The following SLC24A1 variants were observed in gnomAD, a reference collection of about 807,000 sequenced individuals.
SLC24A1 encodes the protein solute carrier family 24 member 1.
SLC24A1 carries 52 observed loss-of-function variants against 88.1 expected under a neutral mutation model. The ratio of observed to expected loss-of-function variants is 0.59; its 90% CI spans 0.47 to 0.74. The LOEUF is 0.74. Ranked by LOEUF, SLC24A1 falls within the 30% of genes least tolerant of loss-of-function variation. The pLI is 0.00. For missense variants in SLC24A1, 1,173 were observed against 1,363.3 expected, an observed-to-expected ratio of 0.86 and a Z score of 2.20; for synonymous variants, 455 against 498.0, an observed-to-expected ratio of 0.91 and a Z score of 1.15.
chr15:65,632,200 AATTGT>A (rs1270407529), intron 2 of SLC24A1, among the ~76,000 whole-genome samples: 1 of 152,170 alleles, frequency 6.6e-6, no homozygotes, highest in Non-Finnish European at 1.5e-5. Flanking sequence ...GTAGAGAATG[AATTGT>A]AGGTGTGCAA....
chr15:65,656,322 T>C, downstream of SLC24A1: 1 of 885,742 alleles, frequency 1.1e-6, no homozygotes, highest in Non-Finnish European at 1.4e-6. Flanking sequence ...GAAGTTCTGA[T>C]CACTTTACAG....
intron 2 of SLC24A1, among the ~76,000 whole-genome samples, chr15:65,614,375 A>C (rs770888463): frequency 9.9e-5 from 15 of 152,210 alleles, no homozygotes; most frequent in Non-Finnish European, 2.2e-4. Context: ...AATATCATCA[A>C]ATATCGAATC....
rs555493758 is a variant in SLC24A1 at position 65,654,100 on chromosome 15, A to G, written c.*21A>G. The G allele has an allele frequency of 6.9e-6, 11 of 1,605,374 alleles. No homozygotes were observed. In the East Asian group the frequency reaches 1.3e-4, roughly 20 times the overall value. The stretch of plus-strand genomic sequence containing the variant: ...TCTGAATCAGTCACTCTTGCTCACA[A>G]TGGGCATGGATCAGAAGACCATGCA... On this transcript the variant is annotated 3_prime_UTR_variant, in exon 10 of 10. Transcript: ENST00000261892.
In SLC24A1 at chr15:65,650,668, A is replaced by T; in HGVS notation, c.2519A>T (p.Glu840Val). The T allele has an allele frequency of 6.5e-7, 1 of 1,547,132 alleles. No individual in the cohort carries two copies. Among genetic ancestry groups the T allele is most frequent in the Non-Finnish European group, 8.7e-7 (1 of 1,143,876 alleles). Residue 840 changes from glutamate to valine, a missense_variant, in exon 7 of 10, where the codon GAA becomes GTA. By Grantham distance (121) the Glu-to-Val change is moderately radical. Transcript: ENST00000261892. This position sits in a 1 kb window ranked among gnomAD's most constrained non-coding sequence, Gnocchi z 4.1. ...GAACTCAGTGCTGAAAATCACGGTG[A>T]AGCCAAAAATGATGAGAAAGGTGTA... ...SQELSAENHG[E>V]AKNDEKGVED...
Position 65,644,411 on chromosome 15 carries a change from CCTGTCT to C in SLC24A1, c.2054-14_2054-9del. 6.5e-7 allele frequency: 1 copy of C among 1,543,834 alleles called. No homozygotes were observed. The highest frequency in any genetic ancestry group is 1.7e-4 in the Middle Eastern group (1 of 5,974). On this transcript the variant is annotated splice_polypyrimidine_tract_variant and intron_variant, in intron 4 of 9. Coordinates refer to ENST00000261892, the MANE Select transcript of SLC24A1 (RefSeq NM_004727.3). ...CTACAATTCCAGGTAAGATGTATGT[CCTGTCT>C]CATTTGCAGTTCGCCTTGCCAAGGA...
At chr15:65,649,254 C>T (rs1026709572) in intron 6 of SLC24A1, among the ~76,000 whole-genome samples, 1 of 152,146 alleles carries the variant, frequency 6.6e-6, no homozygotes, top group African/African-American at 2.4e-5. Context: ...CGCCTGCCAC[C>T]GCGCCCAGCT....
intron 4 of SLC24A1, 141 bp downstream of exon 4, chr15:65,639,844 AAGTC>A (rs1357236343): frequency 2.9e-6 from 2 of 690,598 alleles, no homozygotes; most frequent in Non-Finnish European, 5.3e-6. Flanking sequence ...AAAGTAGTAA[AAGTC>A]AGACAGTCTG....
At chr15:65,640,522 C>A (rs1166842802) in intron 4 of SLC24A1, among the ~76,000 whole-genome samples, 2 of 152,166 alleles carry the variant, frequency 1.3e-5, no homozygotes, top group Admixed American at 6.5e-5. Context: ...GGTGCAGAAC[C>A]GGAACCCAGC....
intron 6 of SLC24A1, among the ~76,000 whole-genome samples, chr15:65,648,742 C>T (rs961223575): frequency 4.6e-5 from 7 of 152,018 alleles, no homozygotes; most frequent in African/African-American, 7.3e-5. Flanking sequence ...CCTCATGATC[C>T]GCCCGACTCA....
At chr15:65,642,159 T>C (rs2075150355) in intron 4 of SLC24A1, among the ~76,000 whole-genome samples, 1 of 152,234 alleles carries the variant, frequency 6.6e-6, no homozygotes, top group South Asian at 2.1e-4. Context: ...AGGGCTGTGA[T>C]GAGGGCCTTT....
rs544404695 is a variant in SLC24A1 at position 65,655,254 on chromosome 15, AAAGT to A, written c.*1179_*1182del. The A allele has an allele frequency of 1.8e-4, 175 of 985,604 alleles. No individual in the cohort carries two copies. In the African/African-American group the frequency reaches 2.1e-3, roughly 12 times the overall value. 61.1% of individuals were successfully genotyped at this position (985,604 alleles called of 1,614,324 possible). ...GTCAGTAGCGCCACATCTGGTTTATAAAGTAAGAGATCCAGTGGGACAATGCTAT... is the reference window on the plus strand; with the variant it reads ...GTCAGTAGCGCCACATCTGGTTTATAAAGAGATCCAGTGGGACAATGCTAT... On this transcript the variant is annotated 3_prime_UTR_variant, in exon 10 of 10. Transcript: ENST00000261892.
chr15:65,651,575 T>G, intron 7 of SLC24A1, 95 bp from the exon 8 acceptor site: 1 of 708,100 alleles, frequency 1.4e-6, no homozygotes, highest in Admixed American at 2.0e-5. Flanking sequence ...ACTCTTCCAT[T>G]AGACCTTGTC....
chr15:65,644,489 G>A lies in SLC24A1; in HGVS notation c.2116G>A (p.Ala706Thr). ...LNQGARAQPQ[A>T]KAESKPEEEE... ...TCAAGGGGCCAGAGCCCAACCCCAG[G>A]CCAAAGCAGAAAGCAAACCAGAAGG... Residue 706 changes from alanine to threonine, a missense_variant, in exon 5 of 10, where the codon GCC becomes ACC. Coordinates refer to ENST00000261892, the MANE Select transcript of SLC24A1 (RefSeq NM_004727.3). 1 of 1,593,436 alleles carries A rather than the reference G, an allele frequency of 6.3e-7. No individual in the cohort carries two copies. The highest frequency in any genetic ancestry group is 1.1e-5 in the South Asian group (1 of 87,236).
chr15:65,645,621 C>A lies in SLC24A1; in HGVS notation c.2150C>A (p.Pro717Gln). ...TGTTTATCCTTTAAAGAGGAGGAGC[C>A]AGCCAAGCTCCCTGCGGTCACGGTC... Reference protein sequence around the residue: ...KAESKPEEEEPAKLPAVTVTP... With the variant: ...KAESKPEEEEQAKLPAVTVTP... The change falls in exon 6 of 10, where the codon CCA becomes CAA. Residue 717 changes from proline to glutamine, a missense_variant. Pro to Gln is a moderately conservative substitution (Grantham distance 76, BLOSUM62 -1). Coordinates refer to ENST00000261892, the MANE Select transcript of SLC24A1 (RefSeq NM_004727.3). 1 of 1,568,080 alleles carries A rather than the reference C, an allele frequency of 6.4e-7. No homozygotes were observed. The highest frequency in any genetic ancestry group is 8.6e-7 in the Non-Finnish European group (1 of 1,156,270).
At chr15:65,660,234 C>T, downstream of SLC24A1, 1 of 1,479,698 alleles carries the variant, frequency 6.8e-7, no homozygotes, top group Non-Finnish European at 9.1e-7. Context: ...CAGCCCCAAA[C>T]TAACTGAAGT....
chr15:65,640,533 C>A (rs527397971), intron 4 of SLC24A1, among the ~76,000 whole-genome samples: 2 of 152,280 alleles, frequency 1.3e-5, no homozygotes, highest in East Asian at 3.9e-4. Flanking sequence ...GGAACCCAGC[C>A]AGGAGGCCCA....
rs1472699378 is a variant in SLC24A1 at position 65,648,575 on chromosome 15, G to A, written c.2233-1807G>A. On this transcript the variant is annotated intron_variant, in intron 6 of 9. Transcript: ENST00000261892. ...CAGCTCACTGCAACCTCTGCCTCCCGGGTTCAAGCAATTCTCCAGCCTCAG... is the reference window on the plus strand; with the variant it reads ...CAGCTCACTGCAACCTCTGCCTCCCAGGTTCAAGCAATTCTCCAGCCTCAG... Among the ~76,000 whole-genome samples the A allele has an allele frequency of 3.3e-5, 5 of 151,510 alleles. 1 individual carries two copies. The highest frequency in any genetic ancestry group is 4.8e-5 in the African/African-American group (2 of 41,244).
chr15:65,644,400 A>T, intron 4 of SLC24A1, 27 bp from the exon 5 acceptor site: 1 of 1,475,822 alleles, frequency 6.8e-7, no homozygotes, highest in Admixed American at 1.9e-5. Context: ...AATTCCAGGT[A>T]AGATGTATGT....
chr15:65,647,534 C>T (rs1395273977), intron 6 of SLC24A1, among the ~76,000 whole-genome samples: 1 of 151,154 alleles, frequency 6.6e-6, no homozygotes, highest in Non-Finnish European at 1.5e-5. Context: ...CGGTTCAACC[C>T]AGCTCCTTGG....
Sources: gnomAD v4.1 joint callset for allele counts (sites outside exome capture counted in the v4.1 genomes callset) on GRCh38, gnomAD v4.1.1 for gene constraint, Gnocchi (gnomAD v3.1) non-coding constraint, MANE v1.5 for transcripts, NCBI Gene and HGNC (gene_info 2026-07-23, HGNC 2026-07-21) for gene names.